Variants in GLIS3 observed in about 807,000 individuals in gnomAD.
GLIS3 encodes GLIS family zinc finger 3.
A neutral mutation model predicts 78.6 loss-of-function variants in GLIS3; 53 were observed. The ratio of observed to expected loss-of-function variants is 0.67; its 90% CI spans 0.54 to 0.85. The LOEUF (loss-of-function observed/expected upper bound fraction) is 0.85, where lower values mean the gene tolerates loss of function less well. Among genes scored for constraint, GLIS3 ranks in the 40% least tolerant of loss-of-function variants. GLIS3 has a pLI of 0.00. For synonymous variants in GLIS3, 684 were observed against 509.9 expected (o/e 1.34, Z -4.60); for missense variants, 1,703 against 1,231.1 (o/e 1.38, Z -5.74).
chr9:4,466,232 C>A, the GLIS3 span, among the ~76,000 whole-genome samples: 2 of 152,148 alleles, frequency 1.3e-5, no homozygotes, highest in African/African-American at 4.8e-5. Context: ...TTGTAAGACA[C>A]AAATTACTGA....
chr9:4,075,373 C>A (rs919615915), intron 4 of GLIS3, among the ~76,000 whole-genome samples: 2 of 142,364 alleles, frequency 1.4e-5, no homozygotes, highest in African/African-American at 2.6e-5. Flanking sequence ...TAGAGACCAT[C>A]CTGGCTAACA....
Position 4,338,325 on chromosome 9 carries a change from G to A in GLIS3, n.264+8756C>T, listed in dbSNP as rs1817783703. On this transcript the variant is annotated intron_variant and non_coding_transcript_variant, in intron 2 of 4. Coordinates refer to the GLIS3 transcript ENST00000471664. ...AGACTTTCTGGTAACAAAATTATAC[G>A]TATATATAGAGAGATAGATGGATTT... is the stretch of plus-strand genomic sequence containing the variant. 2.0e-5 allele frequency among the ~76,000 whole-genome samples: 3 copies of A among 150,736 alleles called. No homozygotes were observed. The South Asian group carries it at 6.4e-4, about 32-fold the overall frequency.
the GLIS3 span, among the ~76,000 whole-genome samples, chr9:4,484,373 G>A: frequency 6.8e-6 from 1 of 147,328 alleles, no homozygotes; most frequent in African/African-American, 2.5e-5. Context: ...GAGTAGCTGG[G>A]ACCACAGGTG....
the GLIS3 span, among the ~76,000 whole-genome samples, chr9:4,394,010 A>T: frequency 6.6e-6 from 1 of 152,158 alleles, no homozygotes. Flanking sequence ...TGAATGAGCC[A>T]GTAGAGGGTA....
At chr9:4,321,760 G>A (rs975049274) in intron 2 of GLIS3, among the ~76,000 whole-genome samples, 4 of 152,002 alleles carry the variant, frequency 2.6e-5, no homozygotes, top group East Asian at 1.9e-4. Flanking sequence ...CCAGGCTGGA[G>A]TGCAGTGGCA....
the GLIS3 span, among the ~76,000 whole-genome samples, chr9:4,418,994 G>C: frequency 6.6e-6 from 1 of 152,202 alleles, no homozygotes; most frequent in Non-Finnish European, 1.5e-5. Context: ...CCGAATTGCT[G>C]AATCTTTTGG....
chr9:4,488,289 T>C, the GLIS3 span, among the ~76,000 whole-genome samples: 1 of 152,148 alleles, frequency 6.6e-6, no homozygotes. Flanking sequence ...GATCAAATTG[T>C]ACATGCAATT....
At chr9:3,853,625 C>G (rs1294884215) in intron 9 of GLIS3, among the ~76,000 whole-genome samples, 1 of 152,196 alleles carries the variant, frequency 6.6e-6, no homozygotes, top group Non-Finnish European at 1.5e-5. Flanking sequence ...ATGCCCCCCA[C>G]TTAACAAATG....
At chr9:3,876,216 A>G (rs1821296689) in intron 8 of GLIS3, among the ~76,000 whole-genome samples, 1 of 152,230 alleles carries the variant, frequency 6.6e-6, no homozygotes, top group Non-Finnish European at 1.5e-5. Context: ...AACACTGTGT[A>G]AAATAAATGT....
intron 2 of GLIS3, among the ~76,000 whole-genome samples, chr9:4,273,590 C>CATAAATAA (rs60374376): frequency 0.11 from 16,442 of 143,868 alleles, 1,200 homozygotes; most frequent in African/African-American, 0.21. Context: ...AAGACCTTAT[C>CATAAATAA]ATAAATAAAT....
At chr9:4,390,624 T>C in the GLIS3 span, among the ~76,000 whole-genome samples, 2 of 152,186 alleles carry the variant, frequency 1.3e-5, no homozygotes, top group Non-Finnish European at 2.9e-5. Context: ...ATATCTGTGG[T>C]GACCCTCTGA....
chr9:4,226,533 G>T (rs372681596), intron 2 of GLIS3, among the ~76,000 whole-genome samples: 2 of 152,256 alleles, frequency 1.3e-5, no homozygotes, highest in South Asian at 2.1e-4. Context: ...TATGCCTAAG[G>T]GGGAGGGAAT....
At position 4,117,899 on chromosome 9, in the gene GLIS3, C is replaced by G. The variant is rs765789414; in HGVS notation, c.1579G>C (p.Asp527His). The change falls in exon 4 of 11, where the codon GAC becomes CAC. Residue 527 changes from aspartate (D) to histidine (H), a missense_variant. By Grantham distance (81) the Asp-to-His change is moderately conservative. Transcript: ENST00000381971. ...LVRHIEKVHI[D>H]QRKGEDFTCF... ...GTGAAGTCCTCCCCTTTGCGCTGGT[C>G]GATGTGGACCTTCTCGATGTGCCGC... is the stretch of plus-strand genomic sequence containing the variant. The G allele has an allele frequency of 6.2e-7, 1 of 1,614,092 alleles. No homozygotes were observed. The highest frequency in any genetic ancestry group is 8.5e-7 in the Non-Finnish European group (1 of 1,180,030).
chr9:4,480,096 T>C, the GLIS3 span, among the ~76,000 whole-genome samples: 3 of 151,766 alleles, frequency 2.0e-5, no homozygotes, highest in African/African-American at 4.8e-5. Flanking sequence ...ATTCCCTATG[T>C]TTTCACCTCC....
rs115033811 is a variant in GLIS3, at chr9:4,054,272, T to G, written c.1710+63496A>C. 700 of 911,994 alleles carry G rather than the reference T, an allele frequency of 7.7e-4. 6 individuals carry two copies. In the African/African-American group the frequency reaches 0.011, roughly 15 times the overall value. The allele number at this position is 911,994 out of a possible 1,614,324, so 56.5% of individuals were successfully genotyped here. A position where few individuals can be genotyped will look rare whatever the true frequency, so the allele number is the denominator to read the frequency against. The stretch of plus-strand genomic sequence containing the variant: ...ATCCTTCACGGTCACTGCTCTATTC[T>G]CAGCACAGACCAGAGCCTGCAAACA... On this transcript the variant is annotated intron_variant, in intron 4 of 10. Coordinates refer to ENST00000381971, the MANE Select transcript of GLIS3 (RefSeq NM_001042413.2).
chr9:3,879,999 CCTT>C (rs896902866), intron 7 of GLIS3, among the ~76,000 whole-genome samples: 31 of 152,116 alleles, frequency 2.0e-4, no homozygotes, highest in African/African-American at 7.0e-4. Flanking sequence ...ACAGCACAGG[CCTT>C]CTTCCTCTTC....
chr9:4,383,319 T>C, the GLIS3 span, among the ~76,000 whole-genome samples: 5,335 of 152,340 alleles, frequency 0.035, 300 homozygotes, highest in African/African-American at 0.12. Flanking sequence ...CTCATTCATT[T>C]TCCATAACAT....
chr9:4,473,460 C>CAAAAAAAAAAAAAAAAA, the GLIS3 span, among the ~76,000 whole-genome samples: 201 of 130,944 alleles, frequency 1.5e-3, no homozygotes, highest in Non-Finnish European at 2.3e-3. Flanking sequence ...ACAACAACAA[C>CAAAAAAAAAAAAAAAAA]AAAAAAAAAG....
the GLIS3 span, among the ~76,000 whole-genome samples, chr9:4,459,637 C>A: frequency 6.6e-6 from 1 of 152,068 alleles, no homozygotes; most frequent in Non-Finnish European, 1.5e-5. Context: ...TGGTGGTACA[C>A]GCCTGTGGTC....
Sources: gnomAD v4.1 joint callset for allele counts (sites outside exome capture counted in the v4.1 genomes callset) on GRCh38, gnomAD v4.1.1 for gene constraint, MANE v1.5 for transcripts, NCBI Gene and HGNC (gene_info 2026-07-23, HGNC 2026-07-21) for gene names.